Variants in SNX8 observed in about 807,000 individuals in gnomAD.
SNX8 encodes the protein sorting nexin-8.
In SNX8, 25 loss-of-function variants were observed where a neutral mutation model predicts 51.6. The observed-to-expected ratio is 0.48, with a 90% CI of 0.35 to 0.68. The LOEUF (loss-of-function observed/expected upper bound fraction) is 0.68, where lower values mean the gene tolerates loss of function less well. Ranked by LOEUF, SNX8 falls within the 30% of genes least tolerant of loss-of-function variation. The probability of loss-of-function intolerance (pLI) is 0.00; values close to 1 mark genes in which losing one functional copy is unlikely to be tolerated. For synonymous variants in SNX8, 324 were observed against 277.0 expected, an observed-to-expected ratio of 1.17 and a Z score of -1.68; for missense variants, 695 against 624.0, an observed-to-expected ratio of 1.11 and a Z score of -1.21.
chr7:2,267,818 G>GA (rs931128594), intron 5 of SNX8, among the ~76,000 whole-genome samples: 1 of 121,022 alleles, frequency 8.3e-6, no homozygotes, highest in Non-Finnish European at 1.7e-5. Flanking sequence ...GCCCAGTCTG[G>GA]AAAGTGAGGA....
chr7:2,282,260 C>G (rs563819763), intron 1 of SNX8, among the ~76,000 whole-genome samples: 16 of 152,182 alleles, frequency 1.1e-4, no homozygotes, highest in African/African-American at 3.9e-4. Context: ...CGGTCAGCTC[C>G]CAGACTGGCT....
chr7:2,346,033 C>A (rs959930235), intron 1 of SNX8, among the ~76,000 whole-genome samples: 3 of 152,094 alleles, frequency 2.0e-5, no homozygotes, highest in Non-Finnish European at 2.9e-5. Flanking sequence ...GTCTCGAACT[C>A]CTGACCTCAA....
intron 1 of SNX8, among the ~76,000 whole-genome samples, chr7:2,320,368 T>C (rs371430073): frequency 2.0e-5 from 3 of 152,116 alleles, no homozygotes; most frequent in Non-Finnish European, 2.9e-5. Flanking sequence ...CTGCTCTAAG[T>C]TGAAAAGTTT....
intron 1 of SNX8, among the ~76,000 whole-genome samples, chr7:2,282,251 G>C (rs1452364957): frequency 6.6e-6 from 1 of 152,142 alleles, no homozygotes; most frequent in African/African-American, 2.4e-5. Context: ...TTTCGGTGGC[G>C]GTCAGCTCCC....
At chr7:2,301,507 C>T (rs912010580) in intron 1 of SNX8, among the ~76,000 whole-genome samples, 1 of 152,216 alleles carries the variant, frequency 6.6e-6, no homozygotes, top group Non-Finnish European at 1.5e-5. Flanking sequence ...CAGAACCACC[C>T]CCTTACCAGG....
intron 1 of SNX8, among the ~76,000 whole-genome samples, chr7:2,313,625 G>T (rs921267122): frequency 6.6e-6 from 1 of 152,110 alleles, no homozygotes; most frequent in South Asian, 2.1e-4. Flanking sequence ...CACTTTGGGA[G>T]GCCAAGGCAG....
At chr7:2,256,830 G>C in intron 10 of SNX8, 44 bp downstream of exon 10, 2 of 1,581,368 alleles carry the variant, frequency 1.3e-6, no homozygotes, top group Non-Finnish European at 1.7e-6. Flanking sequence ...GAGGGACAAA[G>C]AAAGGCCGTG....
intron 1 of SNX8, among the ~76,000 whole-genome samples, chr7:2,294,655 T>C (rs1419329495): frequency 1.3e-5 from 2 of 152,074 alleles, no homozygotes; most frequent in African/African-American, 4.8e-5. Flanking sequence ...CCCAAAAACA[T>C]GTGAGCAGGA....
At chr7:2,318,934 G>A (rs1169533286), upstream of SNX8, among the ~76,000 whole-genome samples, 1 of 152,064 alleles carries the variant, frequency 6.6e-6, no homozygotes, top group Non-Finnish European at 1.5e-5. Context: ...CTTGAGCCCA[G>A]GATGTCAAGG....
At chr7:2,353,970 T>C (rs1050362527) in intron 1 of SNX8, 1 of 152,292 alleles carries the variant, frequency 6.6e-6, no homozygotes, top group African/African-American at 2.4e-5. Flanking sequence ...AAAAACAAGA[T>C]AGAAGCCACA....
chr7:2,266,054 C>A (rs1795454980), intron 5 of SNX8, among the ~76,000 whole-genome samples: 1 of 152,206 alleles, frequency 6.6e-6, no homozygotes. Flanking sequence ...GAGGTCGAGG[C>A]TGCAATGACC....
At chr7:2,344,133 G>C (rs751238756) in intron 1 of SNX8, among the ~76,000 whole-genome samples, 1 of 151,818 alleles carries the variant, frequency 6.6e-6, no homozygotes, top group Non-Finnish European at 1.5e-5. Flanking sequence ...GAACCCAGGA[G>C]TTCAAGGCTG....
At chr7:2,273,798 G>A (rs1156657792) in intron 3 of SNX8, among the ~76,000 whole-genome samples, 1 of 151,650 alleles carries the variant, frequency 6.6e-6, no homozygotes, top group Non-Finnish European at 1.5e-5. Flanking sequence ...CAGCTACGCG[G>A]GAGGCTGAGG....
Position 2,254,083 on chromosome 7 carries a change from C to G in SNX8, c.*973G>C, listed in dbSNP as rs567178422. On this transcript the variant is annotated 3_prime_UTR_variant, in exon 11 of 11. Transcript: ENST00000222990. Reference sequence around the variant, plus strand: ...TCTTCATCCAGAGCAGGGAAGGGGCCTGAAAGACCACTGGTTCCCTCTGTG... The same window carrying G: ...TCTTCATCCAGAGCAGGGAAGGGGCGTGAAAGACCACTGGTTCCCTCTGTG... 3.3e-5 allele frequency: 5 copies of G among 152,604 alleles called. No homozygotes were observed. Among genetic ancestry groups the G allele is most frequent in the African/African-American group, 7.2e-5 (3 of 41,564 alleles). 9.5% of individuals were successfully genotyped at this position (152,604 alleles called of 1,614,324 possible). A position where few individuals can be genotyped will look rare whatever the true frequency, so the allele number is the denominator to read the frequency against.
intron 1 of SNX8, among the ~76,000 whole-genome samples, chr7:2,300,679 G>A (rs2115183682): frequency 6.6e-6 from 1 of 151,594 alleles, no homozygotes; most frequent in South Asian, 2.1e-4. Flanking sequence ...TTTCATTCTT[G>A]TCACCCAGGC....
intron 1 of SNX8, among the ~76,000 whole-genome samples, chr7:2,311,129 G>T (rs1796649707): frequency 6.6e-6 from 1 of 152,204 alleles, no homozygotes; most frequent in Non-Finnish European, 1.5e-5. Context: ...AATAGAATGA[G>T]ACTCTTAATG....
chr7:2,304,272 C>T lies in SNX8; in HGVS notation c.94+10056G>A, dbSNP rs137950815. ...ATAAATCCATCTCCCCGGCCGGGCA[C>T]GGCAGCTCACGCCTGGAATCCCAGC... On this transcript the variant is annotated intron_variant, in intron 1 of 10. Coordinates refer to ENST00000222990, the MANE Select transcript of SNX8 (RefSeq NM_013321.4). Among the ~76,000 whole-genome samples the T allele has an allele frequency of 7.8e-3, 1,182 of 152,084 alleles. 42 individuals are homozygous for T. In the East Asian group the frequency reaches 0.096, roughly 12 times the overall value.
intron 1 of SNX8, among the ~76,000 whole-genome samples, chr7:2,279,552 G>C (rs1795863262): frequency 6.6e-6 from 1 of 152,100 alleles, no homozygotes; most frequent in Non-Finnish European, 1.5e-5. Context: ...AGGAGTTCAA[G>C]ACCACCCTGG....
intron 1 of SNX8, 72 bp downstream of exon 1, chr7:2,314,256 A>G: frequency 8.3e-7 from 1 of 1,208,066 alleles, no homozygotes; most frequent in Non-Finnish European, 1.0e-6. Flanking sequence ...GCGGCGGCTG[A>G]GCCCCGTCCG....
Sources: gnomAD v4.1 joint callset for allele counts (sites outside exome capture counted in the v4.1 genomes callset) on GRCh38, gnomAD v4.1.1 for gene constraint, MANE v1.5 for transcripts, NCBI Gene and HGNC (gene_info 2026-07-23, HGNC 2026-07-21) for gene names.